Variants in THSD4 observed in about 807,000 individuals in gnomAD.
The protein encoded by THSD4 is thrombospondin type-1 domain-containing protein 4.
Under a neutral mutation model 119.0 loss-of-function variants are expected in THSD4, and 69 were observed. That is an observed-to-expected ratio of 0.58 (90% CI 0.48 to 0.71). The LOEUF is 0.71. THSD4 is among the 30% of genes least tolerant of loss of function. The pLI is 0.00. For synonymous variants in THSD4, 524 were observed against 540.4 expected, an observed-to-expected ratio of 0.97 and a Z score of 0.42; for missense variants, 1,393 against 1,391.1, an observed-to-expected ratio of 1.00 and a Z score of -0.02.
chr15:71,332,749 C>T (rs958632282), intron 6 of THSD4, among the ~76,000 whole-genome samples: 3 of 152,030 alleles, frequency 2.0e-5, no homozygotes, highest in African/African-American at 7.2e-5. Flanking sequence ...AGAGAGTACT[C>T]GCCAAATATT....
intron 17 of THSD4, among the ~76,000 whole-genome samples, chr15:71,772,210 G>T (rs1404776285): frequency 3.9e-5 from 6 of 152,192 alleles, no homozygotes; most frequent in African/African-American, 1.4e-4. Context: ...TCCTCCTGCT[G>T]TGGACCAAAT....
At chr15:71,612,160 A>G (rs1317615862) in intron 7 of THSD4, among the ~76,000 whole-genome samples, 2 of 152,192 alleles carry the variant, frequency 1.3e-5, no homozygotes, top group African/African-American at 2.4e-5. Flanking sequence ...GGGAGGGGCC[A>G]GGAGGCCTGG....
chr15:71,676,513 C>T (rs2051655048), intron 8 of THSD4, among the ~76,000 whole-genome samples: 1 of 152,154 alleles, frequency 6.6e-6, no homozygotes. Context: ...ATCTCTTGAC[C>T]TCGTGATCTG....
chr15:71,714,372 G>A (rs370171892), intron 8 of THSD4, among the ~76,000 whole-genome samples: 3 of 152,152 alleles, frequency 2.0e-5, no homozygotes, highest in South Asian at 4.1e-4. Flanking sequence ...GTTGAATGGC[G>A]GAAAATGCCT....
At chr15:71,343,301 TAGAC>T (rs1286580908) in intron 6 of THSD4, among the ~76,000 whole-genome samples, 1 of 152,226 alleles carries the variant, frequency 6.6e-6, no homozygotes, top group Non-Finnish European at 1.5e-5. Context: ...ATAGATTAGA[TAGAC>T]CCTGTCTCTA....
chr15:71,357,025 A>G (rs2045824100), intron 6 of THSD4, among the ~76,000 whole-genome samples: 1 of 152,202 alleles, frequency 6.6e-6, no homozygotes, highest in Admixed American at 6.5e-5. Flanking sequence ...TAAGAAGAGC[A>G]TATCAATGTC....
intron 7 of THSD4, among the ~76,000 whole-genome samples, chr15:71,447,362 G>A (rs79629647): frequency 0.055 from 8,307 of 151,788 alleles, 311 homozygotes; most frequent in Middle Eastern, 0.08. Flanking sequence ...CTCGTGATCC[G>A]CCACCTTGGC....
At chr15:71,293,933 G>A (rs896527006) in intron 6 of THSD4, among the ~76,000 whole-genome samples, 1 of 151,802 alleles carries the variant, frequency 6.6e-6, no homozygotes, top group African/African-American at 2.4e-5. Flanking sequence ...GTCCCTGAAG[G>A]GTGTGAGACC....
intron 7 of THSD4, among the ~76,000 whole-genome samples, chr15:71,588,278 C>G (rs2140866401): frequency 7.0e-6 from 1 of 142,406 alleles, no homozygotes; most frequent in East Asian, 2.1e-4. Context: ...TGCACTCCAG[C>G]CTGGGCGACA....
At chr15:71,574,856 T>A (rs2049420861) in intron 7 of THSD4, among the ~76,000 whole-genome samples, 1 of 152,192 alleles carries the variant, frequency 6.6e-6, no homozygotes, top group South Asian at 2.1e-4. Flanking sequence ...CCATAGCGAT[T>A]GCCTGAAACT....
Position 71,777,508 on chromosome 15 carries a change from C to T in THSD4, c.*134C>T. On this transcript the variant is annotated 3_prime_UTR_variant, in exon 18 of 18. Coordinates refer to ENST00000261862, the MANE Select transcript of THSD4 (RefSeq NM_024817.3). ...CAACCAACTTAGTCACCACCCCTGCCTCCGGTGAATGCACCCCGTGGTACC... is the reference window on the plus strand; with the variant it reads ...CAACCAACTTAGTCACCACCCCTGCTTCCGGTGAATGCACCCCGTGGTACC... The T allele has an allele frequency of 3.9e-6, 5 of 1,269,542 alleles. No homozygotes were observed. Among genetic ancestry groups the T allele is most frequent in the Non-Finnish European group, 5.3e-6 (5 of 937,776 alleles). 78.6% of individuals were successfully genotyped at this position (1,269,542 alleles called of 1,614,324 possible).
intron 7 of THSD4, among the ~76,000 whole-genome samples, chr15:71,487,086 G>GAT (rs2047834052): frequency 1.3e-5 from 2 of 152,174 alleles, no homozygotes; most frequent in Non-Finnish European, 2.9e-5. Flanking sequence ...GCCTTGCAGG[G>GAT]CTTATTGGGT....
chr15:71,366,021 T>C (rs1272977034), intron 6 of THSD4, among the ~76,000 whole-genome samples: 1 of 152,188 alleles, frequency 6.6e-6, no homozygotes, highest in Non-Finnish European at 1.5e-5. Flanking sequence ...TCCTTCTTGC[T>C]GTCCTTTCAC....
chr15:71,229,499 A>G (rs1286957506), intron 4 of THSD4, among the ~76,000 whole-genome samples: 3 of 152,220 alleles, frequency 2.0e-5, no homozygotes, highest in South Asian at 2.1e-4. Flanking sequence ...TAAATTATAT[A>G]TGATACTGAT....
At chr15:71,338,412 A>G (rs1566945668) in intron 6 of THSD4, among the ~76,000 whole-genome samples, 1 of 151,976 alleles carries the variant, frequency 6.6e-6, no homozygotes, top group Non-Finnish European at 1.5e-5. Flanking sequence ...GGAGGTTCAC[A>G]TTGCTCCAGT....
intron 8 of THSD4, among the ~76,000 whole-genome samples, chr15:71,712,207 A>T (rs1287628715): frequency 2.0e-5 from 3 of 152,200 alleles, no homozygotes; most frequent in African/African-American, 4.8e-5. Flanking sequence ...ACAGAAAGAG[A>T]TCTAGAAATT....
At chr15:71,489,421 T>A (rs2140692001) in intron 7 of THSD4, among the ~76,000 whole-genome samples, 1 of 152,272 alleles carries the variant, frequency 6.6e-6, no homozygotes, top group East Asian at 1.9e-4. Context: ...CCAAATTGCA[T>A]AAATCTCAGG....
At chr15:71,468,813 A>T (rs981815488) in intron 7 of THSD4, among the ~76,000 whole-genome samples, 5 of 152,210 alleles carry the variant, frequency 3.3e-5, no homozygotes, top group African/African-American at 1.2e-4. Flanking sequence ...TCCAGCCATT[A>T]CATATACATT....
intron 7 of THSD4, among the ~76,000 whole-genome samples, chr15:71,540,900 T>C (rs1218437487): frequency 3.3e-5 from 5 of 151,948 alleles, no homozygotes; most frequent in Middle Eastern, 6.8e-3. Context: ...TGTTCGTAAT[T>C]TTAGTAGAGA....
Sources: allele counts gnomAD v4.1 joint callset (sites outside exome capture counted in the v4.1 genomes callset), GRCh38; gene constraint gnomAD v4.1.1; transcripts MANE v1.5; gene names NCBI Gene and HGNC (gene_info 2026-07-23, HGNC 2026-07-21).